MTHFD1L: variants seen among roughly 807,000 people sequenced by gnomAD.
MTHFD1L encodes monofunctional C1-tetrahydrofolate synthase, mitochondrial.
In MTHFD1L, 81 loss-of-function variants were observed where a neutral mutation model predicts 119.5. That is an observed-to-expected ratio of 0.68 (90% CI 0.57 to 0.82). The LOEUF (loss-of-function observed/expected upper bound fraction) is 0.82, where lower values mean the gene tolerates loss of function less well. MTHFD1L is among the 40% of genes least tolerant of loss of function. The pLI, the probability that MTHFD1L is intolerant of heterozygous loss-of-function variation, is 0.00. For missense variants in MTHFD1L, 1,125 were observed against 1,253.4 expected, an observed-to-expected ratio of 0.90 and a Z score of 1.55; for synonymous variants, 430 against 475.2, an observed-to-expected ratio of 0.90 and a Z score of 1.24.
At chr6:151,045,891 G>A (rs1227884460) in intron 26 of MTHFD1L, among the ~76,000 whole-genome samples, 1 of 152,192 alleles carries the variant, frequency 6.6e-6, no homozygotes, top group Admixed American at 6.5e-5. Context: ...CTACGTGTGT[G>A]TCTGTCCCAT....
chr6:151,004,873 T>C (rs1377655289), intron 20 of MTHFD1L, among the ~76,000 whole-genome samples: 1 of 152,212 alleles, frequency 6.6e-6, no homozygotes, highest in Non-Finnish European at 1.5e-5. Context: ...AAATAATTCT[T>C]ATGGCTTGTG....
chr6:150,927,038 G>T (rs940433436), intron 11 of MTHFD1L, among the ~76,000 whole-genome samples: 1 of 152,104 alleles, frequency 6.6e-6, no homozygotes, highest in Non-Finnish European at 1.5e-5. Flanking sequence ...TGTATACAAA[G>T]CTTCAGGCAC....
chr6:150,938,583 C>A, intron 12 of MTHFD1L, 116 bp from the exon 13 acceptor site: 1 of 1,032,276 alleles, frequency 9.7e-7, no homozygotes, highest in Non-Finnish European at 1.5e-6. Flanking sequence ...TTTGTTACTT[C>A]ATCTTGGGTG....
rs1584258469 is a variant in MTHFD1L, at chr6:151,037,565, C to T, written c.2847+448C>T. Among the ~76,000 whole-genome samples the T allele has an allele frequency of 3.9e-5, 6 of 152,312 alleles. No homozygotes were observed. In the South Asian group the frequency reaches 1.2e-3, roughly 32 times the overall value. The stretch of plus-strand genomic sequence containing the variant: ...TCCTCACCCTCTCTCACTTCCCCAG[C>T]ACGTCAGGTGGGAAGCTCTGGCTTA... On this transcript the variant is annotated intron_variant, in intron 26 of 27. Transcript: ENST00000367321.
intron 24 of MTHFD1L, among the ~76,000 whole-genome samples, chr6:151,032,863 GA>G (rs1209946119): frequency 2.0e-5 from 3 of 152,152 alleles, no homozygotes; most frequent in Non-Finnish European, 4.4e-5. Context: ...CTGTAGTAAT[GA>G]AAAACACGTT....
chr6:151,063,969 A>G (rs572472732), intron 26 of MTHFD1L, among the ~76,000 whole-genome samples: 118 of 152,246 alleles, frequency 7.8e-4, no homozygotes, highest in Non-Finnish European at 1.5e-3. Context: ...TTTTCAGCAC[A>G]TGCTACTTAG....
chr6:150,932,827 G>A (rs1562405050), intron 11 of MTHFD1L, among the ~76,000 whole-genome samples: 1 of 143,872 alleles, frequency 7.0e-6, no homozygotes, highest in Non-Finnish European at 1.5e-5. Flanking sequence ...AGGAAGGAAG[G>A]AAGGAAGGAA....
chr6:150,889,476 A>G (rs1341114033), intron 7 of MTHFD1L, among the ~76,000 whole-genome samples: 1 of 152,226 alleles, frequency 6.6e-6, no homozygotes, highest in African/African-American at 2.4e-5. Context: ...TTCTTTCTGA[A>G]AAGAAGTTCT....
intron 20 of MTHFD1L, among the ~76,000 whole-genome samples, chr6:150,984,044 T>C (rs1777914415): frequency 6.6e-6 from 1 of 152,236 alleles, no homozygotes; most frequent in African/African-American, 2.4e-5. Flanking sequence ...ATGCTGGGAT[T>C]ACAGGCATGA....
At chr6:151,090,424 C>G (rs913831342) in intron 26 of MTHFD1L, among the ~76,000 whole-genome samples, 4 of 152,192 alleles carry the variant, frequency 2.6e-5, no homozygotes, top group African/African-American at 9.7e-5. Context: ...GTTGCAGATT[C>G]AAATGCAGCA....
chr6:150,961,630 A>C (rs1439059139), intron 18 of MTHFD1L, among the ~76,000 whole-genome samples: 2 of 152,236 alleles, frequency 1.3e-5, no homozygotes, highest in African/African-American at 2.4e-5. Context: ...TCAAGGGCTT[A>C]GGGTATAATT....
chr6:151,091,063 A>C (rs1386855299), intron 26 of MTHFD1L, among the ~76,000 whole-genome samples: 4 of 144,546 alleles, frequency 2.8e-5, no homozygotes, highest in Admixed American at 1.4e-4. Context: ...GACTGGGTGC[A>C]GCATCGTTCC....
chr6:151,100,643 CTTT>C (rs201978471), intron 27 of MTHFD1L, among the ~76,000 whole-genome samples: 4 of 134,900 alleles, frequency 3.0e-5, no homozygotes, highest in Admixed American at 7.5e-5. Flanking sequence ...TGTTTTGTTT[CTTT>C]TTTTTTTTTT....
intron 26 of MTHFD1L, among the ~76,000 whole-genome samples, chr6:151,078,860 G>A (rs1331677918): frequency 6.6e-6 from 1 of 152,106 alleles, no homozygotes. Flanking sequence ...CGCCGCCACA[G>A]TGTGGCTCCA....
chr6:150,990,180 G>A (rs1211399878), intron 20 of MTHFD1L, among the ~76,000 whole-genome samples: 1 of 151,994 alleles, frequency 6.6e-6, no homozygotes, highest in African/African-American at 2.4e-5. Flanking sequence ...TTGGGAGGCT[G>A]AGGCAGGAGA....
At chr6:150,907,885 C>G (rs531709823) in intron 8 of MTHFD1L, among the ~76,000 whole-genome samples, 1 of 149,590 alleles carries the variant, frequency 6.7e-6, no homozygotes, top group Non-Finnish European at 1.5e-5. Flanking sequence ...CGCTTAGTAA[C>G]CGCTCTGTGA....
chr6:150,963,194 G>T (rs557322744), intron 18 of MTHFD1L, among the ~76,000 whole-genome samples: 15 of 152,306 alleles, frequency 9.8e-5, no homozygotes, highest in African/African-American at 3.1e-4. Flanking sequence ...GGGATTACAG[G>T]TGTGTGCCAC....
chr6:150,870,492 T>A (rs896762477), intron 1 of MTHFD1L, among the ~76,000 whole-genome samples: 1 of 152,186 alleles, frequency 6.6e-6, no homozygotes, highest in African/African-American at 2.4e-5. Context: ...TGCAGACCAC[T>A]GCAATAAGGG....
intron 10 of MTHFD1L, among the ~76,000 whole-genome samples, chr6:150,925,613 A>C (rs1008582907): frequency 6.6e-6 from 1 of 152,246 alleles, no homozygotes; most frequent in Non-Finnish European, 1.5e-5. Context: ...GTGTGGACAC[A>C]GATAAAACGA....
Sources: allele counts gnomAD v4.1 joint callset (sites outside exome capture counted in the v4.1 genomes callset), GRCh38; gene constraint gnomAD v4.1.1; transcripts MANE v1.5; gene names NCBI Gene and HGNC (gene_info 2026-07-23, HGNC 2026-07-21).